MS4A4A: variants seen among roughly 807,000 people sequenced by gnomAD.
MS4A4A encodes membrane spanning 4-domains A4A.
A neutral mutation model predicts 28.0 loss-of-function variants in MS4A4A; 26 were observed. That is an observed-to-expected ratio of 0.93 (90% CI 0.68 to 1.29). MS4A4A has a LOEUF of 1.29. MS4A4A is among the 50% of genes most tolerant of loss of function. MS4A4A has a pLI of 0.00. For synonymous variants in MS4A4A, 86 were observed against 100.8 expected (o/e 0.85, Z 0.88); for missense variants, 290 against 293.1 (o/e 0.99, Z 0.08).
intron 3 of MS4A4A, among the ~76,000 whole-genome samples, chr11:60,300,118 C>A (rs1251651650): frequency 6.6e-6 from 1 of 151,922 alleles, no homozygotes; most frequent in Admixed American, 6.6e-5. Context: ...ATGATATAAT[C>A]TTTGAATCAT....
intron 1 of MS4A4A, among the ~76,000 whole-genome samples, chr11:60,290,958 A>G (rs2084850525): frequency 6.6e-6 from 1 of 152,138 alleles, no homozygotes; most frequent in Admixed American, 6.5e-5. Flanking sequence ...TCTCAAAACG[A>G]GACTTTTATA....
chr11:60,307,965 G>A (rs2085019481), intron 6 of MS4A4A, 142 bp from the exon 7 acceptor site: 3 of 762,710 alleles, frequency 3.9e-6, no homozygotes, highest in Non-Finnish European at 6.7e-6. Flanking sequence ...GAGAGTGACT[G>A]AGAAACCCCA....
chr11:60,284,774 A>C (rs1392934676), intron 1 of MS4A4A, among the ~76,000 whole-genome samples: 3 of 152,240 alleles, frequency 2.0e-5, no homozygotes, highest in African/African-American at 7.2e-5. Flanking sequence ...TCTGAGCAGA[A>C]CACAAAATTT....
chr11:60,282,616 A>T lies in MS4A4A; in HGVS notation c.41+1900A>T, dbSNP rs774109485. On this transcript the variant is annotated intron_variant, in intron 1 of 6. Transcript: ENST00000337908. The stretch of plus-strand genomic sequence containing the variant: ...AAGGTGGTCACAAGAGGGGTGGAAC[A>T]TTCCTGCAAATGGTTTCAATATATG... The T allele has an allele frequency of 1.7e-5, 22 of 1,285,158 alleles. No individual in the cohort carries two copies. In the East Asian group the frequency reaches 1.0e-3, roughly 58 times the overall value. 79.6% of individuals were successfully genotyped at this position (1,285,158 alleles called of 1,614,324 possible).
chr11:60,307,730 T>C (rs1167797963), intron 6 of MS4A4A, among the ~76,000 whole-genome samples: 1 of 152,200 alleles, frequency 6.6e-6, no homozygotes, highest in African/African-American at 2.4e-5. Context: ...AATGTATTAT[T>C]CATAACTAGC....
In MS4A4A at chr11:60,297,801, G is replaced by C. The variant is rs569201116; in HGVS notation, c.330+476G>C. The stretch of plus-strand genomic sequence containing the variant: ...TAACGGACTTGCCATTATTGGCTTG[G>C]ACTAATCAAGATTTACCTCTGTAGC... On this transcript the variant is annotated intron_variant, in intron 3 of 6. Transcript: ENST00000337908. Among the ~76,000 whole-genome samples, 10 of 152,184 alleles carry C rather than the reference G, an allele frequency of 6.6e-5. No homozygotes were observed. In the East Asian group the frequency reaches 1.9e-3, roughly 29 times the overall value.
intron 5 of MS4A4A, chr11:60,305,801 G>T (rs574135738): frequency 2.2e-5 from 7 of 312,168 alleles, no homozygotes; most frequent in Non-Finnish European, 4.1e-5. Context: ...AATAGGATAT[G>T]ATGACAATTA....
chr11:60,285,561 G>A (rs902007505), intron 1 of MS4A4A, among the ~76,000 whole-genome samples: 3 of 152,146 alleles, frequency 2.0e-5, no homozygotes, highest in South Asian at 2.1e-4. Context: ...GTGTCAGCCA[G>A]TCTGAGAAAT....
chr11:60,289,699 G>T (rs550508598), intron 1 of MS4A4A, among the ~76,000 whole-genome samples: 2 of 151,640 alleles, frequency 1.3e-5, no homozygotes, highest in East Asian at 2.0e-4. Flanking sequence ...CAGACATATT[G>T]TAGACCTTTT....
chr11:60,294,938 CTT>C (rs2084892779), intron 2 of MS4A4A, among the ~76,000 whole-genome samples: 4 of 124,808 alleles, frequency 3.2e-5, no homozygotes, highest in Non-Finnish European at 7.3e-5. Context: ...TCTTCTTCTT[CTT>C]CTTCTTCTTC....
At chr11:60,294,892 A>ACTACTACTTCTTCTTCCTCTTCTT (rs60374079) in intron 2 of MS4A4A, among the ~76,000 whole-genome samples, 3 of 130,942 alleles carry the variant, frequency 2.3e-5, no homozygotes, top group South Asian at 6.0e-4. Context: ...TACAACTACT[A>ACTACTACTTCTTCTTCCTCTTCTT]CTTCTTCTTC....
chr11:60,284,253 T>A (rs1393893591), intron 1 of MS4A4A, among the ~76,000 whole-genome samples: 1 of 152,244 alleles, frequency 6.6e-6, no homozygotes, highest in Admixed American at 6.5e-5. Context: ...ATAACACATA[T>A]AAAACATTTA....
At chr11:60,299,368 G>T (rs999789487) in intron 3 of MS4A4A, among the ~76,000 whole-genome samples, 1 of 149,718 alleles carries the variant, frequency 6.7e-6, no homozygotes, top group Non-Finnish European at 1.5e-5. Flanking sequence ...TTAATGAAAT[G>T]ATCCTACATT....
At chr11:60,303,713 A>G (rs2084973162) in intron 5 of MS4A4A, among the ~76,000 whole-genome samples, 1 of 152,204 alleles carries the variant, frequency 6.6e-6, no homozygotes, top group African/African-American at 2.4e-5. Context: ...ATCTCAAAAA[A>G]AAGAGAAAGC....
At chr11:60,289,072 T>G (rs2084828346) in intron 1 of MS4A4A, among the ~76,000 whole-genome samples, 1 of 152,062 alleles carries the variant, frequency 6.6e-6, no homozygotes, top group African/African-American at 2.4e-5. Flanking sequence ...ACCAGGTGTG[T>G]GTGGTGTAGT....
At chr11:60,294,892 A>ACTACTACTTCTTCTTCCTCTTCTTCTT in intron 2 of MS4A4A, among the ~76,000 whole-genome samples, 1 of 130,942 alleles carries the variant, frequency 7.6e-6, no homozygotes, top group South Asian at 3.0e-4. Context: ...TACAACTACT[A>ACTACTACTTCTTCTTCCTCTTCTTCTT]CTTCTTCTTC....
At chr11:60,280,796 G>T in intron 1 of MS4A4A, 80 bp downstream of exon 1, 1 of 1,537,068 alleles carries the variant, frequency 6.5e-7, no homozygotes, top group Non-Finnish European at 8.9e-7. Context: ...TCTGGGAGGG[G>T]AATGAGAAGA....
At chr11:60,301,855 C>G (rs2084955738) in intron 4 of MS4A4A, among the ~76,000 whole-genome samples, 1 of 152,224 alleles carries the variant, frequency 6.6e-6, no homozygotes, top group South Asian at 2.1e-4. Flanking sequence ...TCTCGGCTCA[C>G]CGCAACCTCC....
intron 6 of MS4A4A, among the ~76,000 whole-genome samples, chr11:60,307,876 C>G (rs182018711): frequency 2.0e-5 from 3 of 152,082 alleles, no homozygotes; most frequent in South Asian, 2.1e-4. Flanking sequence ...GATCCACTTG[C>G]GAGACCAGAG....
Sources: allele counts gnomAD v4.1 joint callset (sites outside exome capture counted in the v4.1 genomes callset), GRCh38; gene constraint gnomAD v4.1.1; transcripts MANE v1.5; gene names NCBI Gene and HGNC (gene_info 2026-07-23, HGNC 2026-07-21).